The following ATP8A1 variants were observed in gnomAD, a reference collection of about 807,000 sequenced individuals.
ATP8A1 encodes ATPase phospholipid transporting 8A1.
A neutral mutation model predicts 177.7 loss-of-function variants in ATP8A1; 90 were observed. The ratio of observed to expected loss-of-function variants is 0.51; its 90% confidence interval spans 0.43 to 0.60. The LOEUF (loss-of-function observed/expected upper bound fraction) is 0.60, where lower values mean the gene tolerates loss of function less well. Among genes scored for constraint, ATP8A1 ranks in the 20% least tolerant of loss-of-function variants. The probability of loss-of-function intolerance (pLI) is 0.00; values close to 1 mark genes in which losing one functional copy is unlikely to be tolerated. For synonymous variants in ATP8A1, 493 were observed against 485.9 expected, an observed-to-expected ratio of 1.01 and a Z score of -0.19; for missense variants, 1,072 against 1,392.8, an observed-to-expected ratio of 0.77 and a Z score of 3.67.
At chr4:42,506,656 G>C (rs76069960) in intron 23 of ATP8A1, among the ~76,000 whole-genome samples, 20,533 of 152,224 alleles carry the variant, frequency 0.13, 1,731 homozygotes, top group East Asian at 0.26. Context: ...CCAGTGTGTG[G>C]TACGCTCTTA....
rs569904060 is a variant in ATP8A1 at position 42,570,380 on chromosome 4, A to G, written c.1296-1175T>C. Among the ~76,000 whole-genome samples, 5 of 152,370 alleles carry G rather than the reference A, an allele frequency of 3.3e-5. No individual in the cohort carries two copies. In the South Asian group the frequency reaches 1.0e-3, roughly 32 times the overall value. On this transcript the variant is annotated intron_variant, in intron 14 of 36. Transcript: ENST00000381668. ...GCAAAGCTCTGTGGAAACTGGCTGC[A>G]ACTCCATGTTTAAAGCAATCACTTC...
rs753719903 is a variant in ATP8A1 at position 42,443,679 on chromosome 4, A to T, written c.3016-7T>A. ...ATATCGCTATGTGGCTGAACTGTAG[A>T]GCAAGGAAATCTGAGTCAAAAAAGT... is the stretch of plus-strand genomic sequence containing the variant. On this transcript the variant is annotated splice_polypyrimidine_tract_variant and splice_region_variant and intron_variant, in intron 32 of 36. Coordinates refer to ENST00000381668, the MANE Select transcript of ATP8A1 (RefSeq NM_006095.2). The T allele has an allele frequency of 8.9e-6, 12 of 1,349,034 alleles. No homozygotes were observed. Among genetic ancestry groups the T allele is most frequent in the Non-Finnish European group, 1.3e-5 (12 of 939,866 alleles). The allele number at this position is 1,349,034 out of a possible 1,614,324, so 83.6% of individuals were successfully genotyped here.
chr4:42,455,279 C>T lies in ATP8A1; in HGVS notation c.2817+18G>A. 1 of 1,612,860 alleles carries T rather than the reference C, an allele frequency of 6.2e-7. No individual in the cohort carries two copies. The highest frequency in any genetic ancestry group is 8.5e-7 in the Non-Finnish European group (1 of 1,179,226). On this transcript the variant is annotated intron_variant, in intron 29 of 36. Transcript: ENST00000381668. ...ACAGACCCACCAAACATGTCCCAGCCAGGGCACTGTGTCCTACCTTGGTGT... is the reference window on the plus strand; with the variant it reads ...ACAGACCCACCAAACATGTCCCAGCTAGGGCACTGTGTCCTACCTTGGTGT...
intron 7 of ATP8A1, 22 bp downstream of exon 7, chr4:42,590,789 T>C: frequency 6.2e-7 from 1 of 1,611,028 alleles, no homozygotes; most frequent in Non-Finnish European, 8.5e-7. Context: ...ACACGCATCC[T>C]ATACGACTCA....
chr4:42,513,725 C>T (rs1321740919), intron 22 of ATP8A1, among the ~76,000 whole-genome samples: 1 of 152,154 alleles, frequency 6.6e-6, no homozygotes, highest in Non-Finnish European at 1.5e-5. Context: ...GTTATGCTGA[C>T]AATCCCAAAG....
intron 27 of ATP8A1, among the ~76,000 whole-genome samples, chr4:42,461,038 A>T (rs1334963115): frequency 6.6e-6 from 1 of 152,178 alleles, no homozygotes; most frequent in African/African-American, 2.4e-5. Context: ...AGCATGGTAG[A>T]GACTGGCCAC....
At position 42,437,238 on chromosome 4, in the gene ATP8A1, T is replaced by A. The variant is rs576114730; in HGVS notation, c.3123+6327A>T. Among the ~76,000 whole-genome samples, 25 of 152,312 alleles carry A rather than the reference T, an allele frequency of 1.6e-4. No homozygotes were observed. In the South Asian group the frequency reaches 5.2e-3, roughly 32 times the overall value. On this transcript the variant is annotated intron_variant, in intron 33 of 36. Coordinates refer to ENST00000381668, the MANE Select transcript of ATP8A1 (RefSeq NM_006095.2). The stretch of plus-strand genomic sequence containing the variant: ...ATGAAACGATCCCTGCTGTAGCTGG[T>A]TTTTTATTTTTTAATCTGGTTTATT...
intron 22 of ATP8A1, among the ~76,000 whole-genome samples, chr4:42,514,293 C>T (rs1725301136): frequency 6.6e-6 from 1 of 152,106 alleles, no homozygotes; most frequent in South Asian, 2.1e-4. Context: ...TTGGGTGTAG[C>T]TTGCAAAAAC....
chr4:42,471,867 A>G, intron 25 of ATP8A1: 2 of 612,946 alleles, frequency 3.3e-6, no homozygotes, highest in South Asian at 2.9e-5. Flanking sequence ...AAACGAGTTA[A>G]GAGTCCGGCA....
intron 24 of ATP8A1, 84 bp downstream of exon 24, chr4:42,503,366 A>C: frequency 1.2e-6 from 1 of 810,214 alleles, no homozygotes; most frequent in South Asian, 1.9e-5. Context: ...GAAAGATAAA[A>C]TATTTCCATA....
At chr4:42,569,350 G>A (rs1731682189) in intron 14 of ATP8A1, 145 bp from the exon 15 acceptor site, 2 of 494,750 alleles carry the variant, frequency 4.0e-6, no homozygotes, top group South Asian at 3.1e-5. Flanking sequence ...CTGAAAGAAT[G>A]GCAGTTAGTA....
intron 25 of ATP8A1, among the ~76,000 whole-genome samples, chr4:42,469,141 C>T (rs1720121691): frequency 1.3e-5 from 2 of 152,160 alleles, no homozygotes; most frequent in African/African-American, 4.8e-5. Context: ...CAAAATTTGA[C>T]AGCAATATTT....
chr4:42,501,798 C>A (rs1020434413), intron 24 of ATP8A1, among the ~76,000 whole-genome samples: 4 of 152,150 alleles, frequency 2.6e-5, no homozygotes, highest in Non-Finnish European at 4.4e-5. Flanking sequence ...TACACTGCAG[C>A]AGGTCTGACC....
chr4:42,447,708 T>A (rs79934885), intron 30 of ATP8A1, among the ~76,000 whole-genome samples: 1,871 of 152,306 alleles, frequency 0.012, 43 homozygotes, highest in African/African-American at 0.043. Flanking sequence ...AAGTATGGGA[T>A]GAAACACAGA....
chr4:42,542,279 C>T (rs10027396), intron 20 of ATP8A1, among the ~76,000 whole-genome samples: 3,145 of 151,912 alleles, frequency 0.021, 100 homozygotes, highest in African/African-American at 0.072. Flanking sequence ...AATGGAAGTC[C>T]ATCATTTTTT....
At position 42,483,389 on chromosome 4, in the gene ATP8A1, A is replaced by AC. The variant is rs1395815277; in HGVS notation, c.2324+2106_2324+2107insG. Among the ~76,000 whole-genome samples the AC allele has an allele frequency of 2.9e-3, 434 of 151,802 alleles. 1 individual carries two copies. The highest frequency in any genetic ancestry group is 9.8e-3 in the African/African-American group (406 of 41,406). ...ATATGTGACTTAAGAAAAAAAAAAA[A>AC]AAAACCTTAAAACTGGAAATAAAAC... On this transcript the variant is annotated intron_variant, in intron 25 of 36. Coordinates refer to ENST00000381668, the MANE Select transcript of ATP8A1 (RefSeq NM_006095.2).
At chr4:42,557,166 A>G (rs772250349) in intron 15 of ATP8A1, among the ~76,000 whole-genome samples, 2 of 152,206 alleles carry the variant, frequency 1.3e-5, no homozygotes, top group African/African-American at 2.4e-5. Context: ...TAAGTCTCCA[A>G]ATCGTAAGAA....
chr4:42,425,835 A>G (rs944857659), intron 33 of ATP8A1, among the ~76,000 whole-genome samples: 1 of 151,644 alleles, frequency 6.6e-6, no homozygotes, highest in African/African-American at 2.4e-5. Context: ...AGTGGCCCCC[A>G]CTGCCCCTTC....
intron 4 of ATP8A1, among the ~76,000 whole-genome samples, chr4:42,618,057 A>C (rs950030220): frequency 6.6e-6 from 1 of 152,228 alleles, no homozygotes; most frequent in African/African-American, 2.4e-5. Context: ...CTAATGAATT[A>C]TTTAATATCA....
Sources: allele counts gnomAD v4.1 joint callset (sites outside exome capture counted in the v4.1 genomes callset), GRCh38; gene constraint gnomAD v4.1.1; transcripts MANE v1.5; gene names NCBI Gene and HGNC (gene_info 2026-07-23, HGNC 2026-07-21).